Variants in CASZ1 observed in about 807,000 individuals in gnomAD.
CASZ1 encodes zinc finger protein castor homolog 1.
A neutral mutation model predicts 135.2 loss-of-function variants in CASZ1; 28 were observed. The observed-to-expected ratio is 0.21, with a 90% CI of 0.15 to 0.28. The LOEUF is 0.28. Ranked by LOEUF, CASZ1 falls within the 10% of genes least tolerant of loss-of-function variation. The probability of loss-of-function intolerance (pLI) is 1.00; values close to 1 mark genes in which losing one functional copy is unlikely to be tolerated. For missense variants in CASZ1, 2,161 were observed against 2,453.3 expected, an observed-to-expected ratio of 0.88 and a Z score of 2.52; for synonymous variants, 1,068 against 1,073.4, an observed-to-expected ratio of 0.99 and a Z score of 0.10.
chr1:10,783,982 C>T (rs1324874689), intron 1 of CASZ1, among the ~76,000 whole-genome samples: 1 of 152,084 alleles, frequency 6.6e-6, no homozygotes, highest in Non-Finnish European at 1.5e-5. Flanking sequence ...TTCTGCGCCA[C>T]CTCCATCAAT....
intron 3 of CASZ1, among the ~76,000 whole-genome samples, chr1:10,696,986 G>A (rs1371850566): frequency 2.0e-5 from 3 of 152,218 alleles, no homozygotes; most frequent in Non-Finnish European, 4.4e-5. Flanking sequence ...TTGGGGGATG[G>A]CAGCCAGCAA....
chr1:10,671,674 GTGGAGCC>G (rs1643404456), intron 4 of CASZ1, among the ~76,000 whole-genome samples: 1 of 152,208 alleles, frequency 6.6e-6, no homozygotes, highest in African/African-American at 2.4e-5. Context: ...TGGCAGGGGG[GTGGAGCC>G]TGGAAAAGGA....
chr1:10,666,907 G>C lies in CASZ1; in HGVS notation c.17-1336C>G, dbSNP rs1349293974. On this transcript the variant is annotated intron_variant, in intron 4 of 20. Coordinates refer to ENST00000377022, the MANE Select transcript of CASZ1 (RefSeq NM_001079843.3). The surrounding 1 kb of genome is among the most constrained non-coding windows in gnomAD (Gnocchi z 5.2). The stretch of plus-strand genomic sequence containing the variant: ...CCCTGTGGTGGGGCTTGGGGACAGC[G>C]CAGTGGCCACAGCAGCAGGGGCTCG... Among the ~76,000 whole-genome samples the C allele has an allele frequency of 6.6e-6, 1 of 152,200 alleles. No homozygotes were observed. Among genetic ancestry groups the C allele is most frequent in the Non-Finnish European group, 1.5e-5 (1 of 68,028 alleles).
intron 3 of CASZ1, among the ~76,000 whole-genome samples, chr1:10,696,166 T>C (rs1391161460): frequency 6.6e-6 from 1 of 152,192 alleles, no homozygotes; most frequent in Non-Finnish European, 1.5e-5. Context: ...ATTTTTCTCC[T>C]TTTTTCCTGC....
In CASZ1 at chr1:10,741,998, CA is replaced by C. The variant is rs2100533641; in HGVS notation, c.-77+18702del. Among the ~76,000 whole-genome samples the C allele has an allele frequency of 6.6e-6, 1 of 152,224 alleles. No individual in the cohort carries two copies. The highest frequency in any genetic ancestry group is 1.9e-4 in the East Asian group (1 of 5,174). The stretch of plus-strand genomic sequence containing the variant: ...CCCCTCACCGCTTCTCACGTGCCCC[CA>C]GCCGCAACCCCACCACGGCTGCTCG... On this transcript the variant is annotated intron_variant, in intron 2 of 20. Transcript: ENST00000377022. This position sits in a 1 kb window ranked among gnomAD's most constrained non-coding sequence, Gnocchi z 5.0.
At chr1:10,710,885 C>G (rs1028410917) in intron 2 of CASZ1, among the ~76,000 whole-genome samples, 1 of 152,260 alleles carries the variant, frequency 6.6e-6, no homozygotes, top group Non-Finnish European at 1.5e-5. Context: ...AATCCCAGCA[C>G]TTTGGGAGGC....
At position 10,697,835 on chromosome 1, in the gene CASZ1, C is replaced by T. The variant is rs576232962; in HGVS notation, c.-23-3923G>A. Among the ~76,000 whole-genome samples, 89 of 152,362 alleles carry T rather than the reference C, an allele frequency of 5.8e-4. No individual in the cohort carries two copies. The highest frequency in any genetic ancestry group is 2.0e-3 in the African/African-American group (84 of 41,588). ...CACAGAAGCCTTGGCCAAAGGACTGCGTGTGCCTGCGAACAAGCATGTTCG... is the reference window on the plus strand; with the variant it reads ...CACAGAAGCCTTGGCCAAAGGACTGTGTGTGCCTGCGAACAAGCATGTTCG... On this transcript the variant is annotated intron_variant, in intron 3 of 20. Transcript: ENST00000377022. The surrounding 1 kb of genome is among the most constrained non-coding windows in gnomAD (Gnocchi z 4.7).
At position 10,727,996 on chromosome 1, in the gene CASZ1, G is replaced by A. The variant is rs1269956035; in HGVS notation, c.-76-22452C>T. On this transcript the variant is annotated intron_variant, in intron 2 of 20. Coordinates refer to ENST00000377022, the MANE Select transcript of CASZ1 (RefSeq NM_001079843.3). This position sits in a 1 kb window ranked among gnomAD's most constrained non-coding sequence, Gnocchi z 5.3. ...TGGGCATCTGCTGGCACAGCAGCAC[G>A]TGAAGAACGAGGGGTCCTACCACCG... Among the ~76,000 whole-genome samples the A allele has an allele frequency of 6.6e-6, 1 of 152,238 alleles. No homozygotes were observed.
Position 10,679,220 on chromosome 1 carries a change from G to A in CASZ1, c.17-13649C>T, listed in dbSNP as rs1225862679. On this transcript the variant is annotated intron_variant, in intron 4 of 20. Coordinates refer to ENST00000377022, the MANE Select transcript of CASZ1 (RefSeq NM_001079843.3). The surrounding 1 kb of genome is among the most constrained non-coding windows in gnomAD (Gnocchi z 4.7). Reference sequence around the variant, plus strand: ...TGATGAAAGCATAGGCTGATCCTGGGAGCCTGCTGCCCTGCCAAAGGGCCC... The same window carrying A: ...TGATGAAAGCATAGGCTGATCCTGGAAGCCTGCTGCCCTGCCAAAGGGCCC... Among the ~76,000 whole-genome samples, 2 of 152,216 alleles carry A rather than the reference G, an allele frequency of 1.3e-5. No individual in the cohort carries two copies. The highest frequency in any genetic ancestry group is 4.8e-5 in the African/African-American group (2 of 41,456).
chr1:10,708,978 G>A (rs1213111819), intron 2 of CASZ1, among the ~76,000 whole-genome samples: 1 of 138,428 alleles, frequency 7.2e-6, no homozygotes, highest in Admixed American at 7.1e-5. Flanking sequence ...GGGAGGGGGG[G>A]GGCCATGGGT....
chr1:10,727,349 G>A lies in CASZ1; in HGVS notation c.-76-21805C>T, dbSNP rs1639616034. On this transcript the variant is annotated intron_variant, in intron 2 of 20. Coordinates refer to ENST00000377022, the MANE Select transcript of CASZ1 (RefSeq NM_001079843.3). The surrounding 1 kb of genome is among the most constrained non-coding windows in gnomAD (Gnocchi z 5.3). ...TCTTCATTCACAACTCTCCATGTGT[G>A]CTATTCTGGGTACCAGGTTTGCACA... 6.6e-6 allele frequency among the ~76,000 whole-genome samples: 1 copy of A among 151,970 alleles called. No individual in the cohort carries two copies. Among genetic ancestry groups the A allele is most frequent in the Non-Finnish European group, 1.5e-5 (1 of 67,968 alleles).
Position 10,654,012 on chromosome 1 carries a change from G to A in CASZ1, c.2045C>T (p.Thr682Ile). Residue 682 changes from threonine (T) to isoleucine (I), a missense_variant, in exon 11 of 21, where the codon ACC becomes ATC. Physicochemically the swap from Thr to Ile is moderately conservative, Grantham distance 89. Transcript: ENST00000377022. ...GCGCTTGTGAGAGGTCATCTGGCTGGTGGAGGTGAAGGTGAAGCCGCAGCC... is the reference window on the plus strand; with the variant it reads ...GCGCTTGTGAGAGGTCATCTGGCTGATGGAGGTGAAGGTGAAGCCGCAGCC... ...RAGCGFTFTS[T>I]SQMTSHKRKH... 1.9e-6 allele frequency: 3 copies of A among 1,614,234 alleles called. No individual in the cohort carries two copies. The highest frequency in any genetic ancestry group is 2.5e-6 in the Non-Finnish European group (3 of 1,180,032).
intron 1 of CASZ1, among the ~76,000 whole-genome samples, chr1:10,785,158 T>TCCC (rs1473936575): frequency 4.0e-5 from 6 of 149,314 alleles, no homozygotes; most frequent in Non-Finnish European, 5.9e-5. Context: ...CCTTCTTTCC[T>TCCC]TCCTTCCTTC....
chr1:10,789,920 T>C (rs1640925258), intron 1 of CASZ1, among the ~76,000 whole-genome samples: 1 of 152,150 alleles, frequency 6.6e-6, no homozygotes, highest in African/African-American at 2.4e-5. Context: ...AGGCTTTAGC[T>C]TTTTTTCCCC....
Position 10,697,568 on chromosome 1 carries a change from A to C in CASZ1, c.-23-3656T>G, listed in dbSNP as rs1638961074. On this transcript the variant is annotated intron_variant, in intron 3 of 20. Coordinates refer to ENST00000377022, the MANE Select transcript of CASZ1 (RefSeq NM_001079843.3). The surrounding 1 kb of genome is among the most constrained non-coding windows in gnomAD (Gnocchi z 4.7). ...GAAAGCCATCTGCCCTTCCTGTCACACTGCTATCGCTGGTTCCTGTTACCC... is the reference window on the plus strand; with the variant it reads ...GAAAGCCATCTGCCCTTCCTGTCACCCTGCTATCGCTGGTTCCTGTTACCC... Among the ~76,000 whole-genome samples, 2 of 151,346 alleles carry C rather than the reference A, an allele frequency of 1.3e-5. No homozygotes were observed. The highest frequency in any genetic ancestry group is 2.0e-4 in the East Asian group (1 of 5,074).
rs1483273076 is a variant in CASZ1, at chr1:10,726,117, G to GTAC, written c.-76-20576_-76-20574dup. Among the ~76,000 whole-genome samples the GTAC allele has an allele frequency of 6.6e-6, 1 of 152,110 alleles. No individual in the cohort carries two copies. Among genetic ancestry groups the GTAC allele is most frequent in the Non-Finnish European group, 1.5e-5 (1 of 68,024 alleles). ...ACTATCACCACCACCACTACTACCAGTACTACTACTACTGCTGCTACTACC... is the reference window on the plus strand; with the variant it reads ...ACTATCACCACCACCACTACTACCAGTACTACTACTACTACTGCTGCTACTACC... On this transcript the variant is annotated intron_variant, in intron 2 of 20. Transcript: ENST00000377022. The surrounding 1 kb of genome is among the most constrained non-coding windows in gnomAD (Gnocchi z 5.7).
chr1:10,708,514 G>C (rs562881664), intron 2 of CASZ1, among the ~76,000 whole-genome samples: 1 of 152,224 alleles, frequency 6.6e-6, no homozygotes, highest in Non-Finnish European at 1.5e-5. Context: ...CCTTATGTGT[G>C]CAAAGAGCCT....
chr1:10,663,218 C>T (rs536796200), intron 5 of CASZ1, among the ~76,000 whole-genome samples: 16 of 152,268 alleles, frequency 1.1e-4, no homozygotes, highest in South Asian at 6.2e-4. Flanking sequence ...GGTCTGGGAT[C>T]CTCAGAGACA....
intron 2 of CASZ1, among the ~76,000 whole-genome samples, chr1:10,753,594 G>C (rs1640188808): frequency 6.6e-6 from 1 of 152,182 alleles, no homozygotes; most frequent in Admixed American, 6.5e-5. Context: ...TTCAGATAAA[G>C]CAGGCCAGGG....
Sources: allele counts gnomAD v4.1 joint callset (sites outside exome capture counted in the v4.1 genomes callset), GRCh38; gene constraint gnomAD v4.1.1; non-coding constraint Gnocchi (gnomAD v3.1); transcripts MANE v1.5; gene names NCBI Gene and HGNC (gene_info 2026-07-23, HGNC 2026-07-21).